The following TSN variants were observed in gnomAD, a reference collection of about 807,000 sequenced individuals.
TSN encodes the protein component 3 of promoter of RISC.
Under a neutral mutation model 29.4 loss-of-function variants are expected in TSN, and 5 were observed. The ratio of observed to expected loss-of-function variants is 0.17; its 90% CI spans 0.09 to 0.36. The LOEUF (loss-of-function observed/expected upper bound fraction) is 0.36. Ranked by LOEUF, TSN falls within the 10% of genes least tolerant of loss-of-function variation. The probability of loss-of-function intolerance (pLI) is 1.00; values close to 1 mark genes in which losing one functional copy is unlikely to be tolerated. For synonymous variants in TSN, 106 were observed against 102.2 expected, an observed-to-expected ratio of 1.04 and a Z score of -0.23; for missense variants, 159 against 272.8, an observed-to-expected ratio of 0.58 and a Z score of 2.94.
At chr2:121,762,363 C>T (rs1340904563) in intron 4 of TSN, among the ~76,000 whole-genome samples, 2 of 152,024 alleles carry the variant, frequency 1.3e-5, no homozygotes, top group South Asian at 4.2e-4. Flanking sequence ...CTCCTGACCT[C>T]GTGATTTGCC....
intron 1 of TSN, chr2:121,756,101 G>A: frequency 1.5e-6 from 1 of 684,622 alleles, no homozygotes. Flanking sequence ...TTCAGCACTT[G>A]TTTATATCGA....
intron 5 of TSN, among the ~76,000 whole-genome samples, chr2:121,764,601 T>G (rs1267073630): frequency 6.6e-6 from 1 of 152,016 alleles, no homozygotes; most frequent in Non-Finnish European, 1.5e-5. Flanking sequence ...GGTTGTATAC[T>G]GACACCGAGA....
At chr2:121,756,685 A>ACCT in intron 1 of TSN, 1 of 1,268,544 alleles carries the variant, frequency 7.9e-7, no homozygotes, top group African/African-American at 1.6e-5. Context: ...CGGCCAGATC[A>ACCT]CCTGAGGTAA....
intron 3 of TSN, among the ~76,000 whole-genome samples, chr2:121,760,748 T>A (rs2074814072): frequency 6.6e-6 from 1 of 152,310 alleles, no homozygotes; most frequent in South Asian, 2.1e-4. Flanking sequence ...ATAACTGCAG[T>A]TGTCTTCAAT....
At chr2:121,762,578 A>C (rs1169967513) in intron 4 of TSN, among the ~76,000 whole-genome samples, 1 of 152,260 alleles carries the variant, frequency 6.6e-6, no homozygotes, top group East Asian at 1.9e-4. Context: ...CTACAGAAAA[A>C]TTGAAAGAAT....
chr2:121,762,934 A>G, intron 4 of TSN, 71 bp from the exon 5 acceptor site: 7 of 1,341,156 alleles, frequency 5.2e-6, no homozygotes, highest in East Asian at 2.5e-5. Context: ...GGGAGAAATT[A>G]TGTGTATATT....
intron 4 of TSN, among the ~76,000 whole-genome samples, chr2:121,761,927 C>T (rs1364019559): frequency 1.3e-5 from 2 of 152,062 alleles, no homozygotes; most frequent in Admixed American, 1.3e-4. Flanking sequence ...AAGTGATTCT[C>T]CTGCCTCAGC....
chr2:121,762,099 T>C (rs560992982), intron 4 of TSN, among the ~76,000 whole-genome samples: 85 of 152,230 alleles, frequency 5.6e-4, no homozygotes, highest in Middle Eastern at 3.4e-3. Flanking sequence ...TTCAAGCATT[T>C]CTCCTACCTC....
chr2:121,757,721 A>T (rs1361808422), intron 2 of TSN: 5 of 177,724 alleles, frequency 2.8e-5, no homozygotes, highest in Non-Finnish European at 3.5e-5. Flanking sequence ...CAGTGGTGCC[A>T]TCTCAGCTCA....
intron 2 of TSN, among the ~76,000 whole-genome samples, chr2:121,757,946 G>T (rs1018070613): frequency 6.6e-6 from 1 of 151,958 alleles, no homozygotes; most frequent in Admixed American, 6.6e-5. Context: ...GATTACAGGC[G>T]TGAGCCACTG....
intron 2 of TSN, 61 bp downstream of exon 2, chr2:121,757,394 A>C: frequency 6.2e-7 from 1 of 1,609,146 alleles, no homozygotes; most frequent in Non-Finnish European, 8.5e-7. Context: ...GTTTCTATCC[A>C]GAAGACATTT....
At position 121,755,728 on chromosome 2, in the gene TSN, C is replaced by T. The variant is rs2074735118; in HGVS notation, c.-52C>T. 2.7e-5 allele frequency: 43 copies of T among 1,607,592 alleles called. 1 individual carries two copies. The South Asian group carries it at 4.1e-4, about 15-fold the overall frequency. On this transcript the variant is annotated 5_prime_UTR_variant, in exon 1 of 6. Coordinates refer to ENST00000389682, the MANE Select transcript of TSN (RefSeq NM_004622.3). ...GATTGCGCTGGTTGCCTGCGGCGTC[C>T]ACTTCCTTGGCCGCCCTTGCTACAC... is the stretch of plus-strand genomic sequence containing the variant.
chr2:121,760,665 T>C (rs1467082719), intron 3 of TSN, among the ~76,000 whole-genome samples: 1 of 152,236 alleles, frequency 6.6e-6, no homozygotes, highest in Non-Finnish European at 1.5e-5. Context: ...TTGCAAATGG[T>C]AATTTTGTGA....
In TSN at chr2:121,757,285, A is replaced by AT; in HGVS notation, c.116dup (p.Leu39PhefsTer44). 1 of 1,614,148 alleles carries AT rather than the reference A, an allele frequency of 6.2e-7. No individual in the cohort carries two copies. On this transcript the variant is annotated frameshift_variant, in exon 2 of 6. Coordinates refer to ENST00000389682, the MANE Select transcript of TSN (RefSeq NM_004622.3). LOFTEE classifies it high-confidence loss of function. ...GAGTTTAGAACAAACAGCTCGAGAG[A>AT]TTTTAACTCTACTGCAAGGGGTCCA...
At position 121,766,690 on chromosome 2, in the gene TSN, G is replaced by A. The variant is rs968182782; in HGVS notation, c.*1323G>A. On this transcript the variant is annotated 3_prime_UTR_variant, in exon 6 of 6. Transcript: ENST00000389682. ...GATGATTAAAATGGTGACTTAATCC[G>A]TAGTTATTTTGCACCCACTGAAAGG... The A allele has an allele frequency of 2.6e-5, 4 of 152,190 alleles. No homozygotes were observed. Among genetic ancestry groups the A allele is most frequent in the South Asian group, 2.1e-4 (1 of 4,832 alleles). 9.4% of individuals were successfully genotyped at this position (152,190 alleles called of 1,614,324 possible). A position where few individuals can be genotyped will look rare whatever the true frequency, so the allele number is the denominator to read the frequency against.
Position 121,767,852 on chromosome 2 carries a change from A to T in TSN, c.*2485A>T, listed in dbSNP as rs545410100. The T allele has an allele frequency of 6.6e-6, 1 of 152,236 alleles. No individual in the cohort carries two copies. Among genetic ancestry groups the T allele is most frequent in the South Asian group, 2.1e-4 (1 of 4,830 alleles). 9.4% of individuals were successfully genotyped at this position (152,236 alleles called of 1,614,324 possible). On this transcript the variant is annotated 3_prime_UTR_variant, in exon 6 of 6. Coordinates refer to ENST00000389682, the MANE Select transcript of TSN (RefSeq NM_004622.3). ...TTTGCTTGTTTCTTGGTCTGGATTA[A>T]ACTGTTTGTCCTCCTTTTCAGATAG... is the stretch of plus-strand genomic sequence containing the variant.
chr2:121,758,221 A>G (rs1370513330), intron 2 of TSN, among the ~76,000 whole-genome samples: 1 of 152,248 alleles, frequency 6.6e-6, no homozygotes, highest in Non-Finnish European at 1.5e-5. Context: ...TTGCCAGCAC[A>G]GCTAAAGGAG....
Position 121,767,290 on chromosome 2 carries a change from G to T in TSN, c.*1923G>T, listed in dbSNP as rs938097053. The T allele has an allele frequency of 4.6e-5, 7 of 152,018 alleles. No homozygotes were observed. The highest frequency in any genetic ancestry group is 8.8e-5 in the Non-Finnish European group (6 of 68,024). The allele number at this position is 152,018 out of a possible 1,614,324, so 9.4% of individuals were successfully genotyped here. A position where few individuals can be genotyped will look rare whatever the true frequency, so the allele number is the denominator to read the frequency against. ...GCAATAAAATTTTTTTGGTCTTTTT[G>T]TAAGTGAGTGTGCTGCTGTAAGAAA... On this transcript the variant is annotated 3_prime_UTR_variant, in exon 6 of 6. Coordinates refer to ENST00000389682, the MANE Select transcript of TSN (RefSeq NM_004622.3).
chr2:121,763,014 A>G lies in TSN; in HGVS notation c.383A>G (p.Asp128Gly). The change falls in exon 5 of 6, where the codon GAT becomes GGT. Residue 128 changes from aspartate to glycine, a missense_variant. By Grantham distance (94) the Asp-to-Gly change is moderately conservative. Around this residue, in one of 3 missense-constraint regions of TSN, gnomAD observed 85 missense variants for 178.1 expected, o/e 0.48. Coordinates refer to ENST00000389682, the MANE Select transcript of TSN (RefSeq NM_004622.3). ...AVTEILGIEP[D>G]REKGFHLDVE... ...TTCATGTGTTTTTTAGTTGAGCCAG[A>G]TCGGGAGAAAGGATTTCATCTGGAT... 1 of 1,607,674 alleles carries G rather than the reference A, an allele frequency of 6.2e-7. No homozygotes were observed. The highest frequency in any genetic ancestry group is 8.5e-7 in the Non-Finnish European group (1 of 1,178,254).
Sources: allele counts gnomAD v4.1 joint callset (sites outside exome capture counted in the v4.1 genomes callset), GRCh38; gene constraint gnomAD v4.1.1; regional missense constraint gnomAD v4.1.1; transcripts MANE v1.5; gene names NCBI Gene and HGNC (gene_info 2026-07-23, HGNC 2026-07-21).